Variants in DNAAF1 observed in about 807,000 individuals in gnomAD.
The protein encoded by DNAAF1 is dynein assembly factor 1, axonemal.
DNAAF1 carries 65 observed loss-of-function variants against 71.1 expected under a neutral mutation model. That is an observed-to-expected ratio of 0.91 (90% CI 0.75 to 1.12). DNAAF1 has a LOEUF of 1.12. Among genes scored for constraint, DNAAF1 ranks in the 50% most tolerant of loss-of-function variants. The probability of loss-of-function intolerance (pLI) is 0.00; values close to 1 mark genes in which losing one functional copy is unlikely to be tolerated. For missense variants in DNAAF1, 1,178 were observed against 899.8 expected (o/e 1.31, Z -3.96); for synonymous variants, 414 against 354.6 (o/e 1.17, Z -1.88).
At chr16:84,149,877 T>A (rs1479899243) in intron 2 of DNAAF1, among the ~76,000 whole-genome samples, 1 of 150,664 alleles carries the variant, frequency 6.6e-6, no homozygotes. Context: ...ATACAAAAAT[T>A]AGCCAGGTGT....
intron 6 of DNAAF1, among the ~76,000 whole-genome samples, chr16:84,163,891 G>C (rs557767030): frequency 8.0e-4 from 116 of 144,168 alleles, no homozygotes; most frequent in African/African-American, 2.9e-3. Flanking sequence ...ACAGCGTTTT[G>C]CTCTGTCACC....
rs1330815526 is a variant in DNAAF1 at position 84,151,396 on chromosome 16, C to G, written c.352+1054C>G. Among the ~76,000 whole-genome samples, 4 of 152,122 alleles carry G rather than the reference C, an allele frequency of 2.6e-5. No homozygotes were observed. The South Asian group carries it at 8.3e-4, about 32-fold the overall frequency. ...AGGGGTTGGAACGACTCCTATGGGTCTCCTCACCTCCACTTTTGCCCACTC... is the reference window on the plus strand; with the variant it reads ...AGGGGTTGGAACGACTCCTATGGGTGTCCTCACCTCCACTTTTGCCCACTC... On this transcript the variant is annotated intron_variant, in intron 3 of 11. Coordinates refer to ENST00000378553, the MANE Select transcript of DNAAF1 (RefSeq NM_178452.6).
At chr16:84,159,139 T>C (rs2087581375) in intron 5 of DNAAF1, 6 of 995,096 alleles carry the variant, frequency 6.0e-6, no homozygotes, top group Non-Finnish European at 7.2e-6. Context: ...TCCTCCTCCC[T>C]GGTCCTAAGT....
At chr16:84,150,185 C>T in intron 2 of DNAAF1, 66 bp from the exon 3 acceptor site, 1 of 1,226,836 alleles carries the variant, frequency 8.2e-7, no homozygotes, top group Admixed American at 1.7e-5. Flanking sequence ...TGGTAAAGAA[C>T]TGTGAGAATA....
chr16:84,175,678 G>C, intron 10 of DNAAF1: 1 of 526,712 alleles, frequency 1.9e-6, no homozygotes, highest in Non-Finnish European at 3.4e-6. Context: ...GCCCTCTCAG[G>C]TACCAGGAGG....
At chr16:84,160,765 G>A (rs933933367) in intron 6 of DNAAF1, among the ~76,000 whole-genome samples, 2 of 151,270 alleles carry the variant, frequency 1.3e-5, no homozygotes, top group African/African-American at 4.9e-5. Flanking sequence ...AAACCGCGTC[G>A]CTACTAAAAG....
chr16:84,159,266 G>T, intron 5 of DNAAF1: 1 of 1,100,762 alleles, frequency 9.1e-7, no homozygotes, highest in Non-Finnish European at 1.1e-6. Flanking sequence ...TCTGTCTAGC[G>T]GCTGTGTGCG....
chr16:84,164,024 G>C (rs1226280506), intron 6 of DNAAF1, among the ~76,000 whole-genome samples: 1 of 152,000 alleles, frequency 6.6e-6, no homozygotes, highest in Non-Finnish European at 1.5e-5. Context: ...AGGCTGGTCT[G>C]GAACTCCTGG....
intron 10 of DNAAF1, 89 bp downstream of exon 10, chr16:84,174,811 TA>T: frequency 1.3e-6 from 2 of 1,527,602 alleles, no homozygotes; most frequent in Non-Finnish European, 1.8e-6. Flanking sequence ...AACTTGAAAG[TA>T]AAATGTTCCC....
chr16:84,174,752 A>G, intron 10 of DNAAF1, 30 bp downstream of exon 10: 2 of 1,614,132 alleles, frequency 1.2e-6, no homozygotes, highest in Non-Finnish European at 1.7e-6. Flanking sequence ...ATTTTCCCAC[A>G]GGCAGCTTAA....
Position 84,170,314 on chromosome 16 carries a change from G to C in DNAAF1, c.1486G>C (p.Ala496Pro), listed in dbSNP as rs1468832778. The stretch of plus-strand genomic sequence containing the variant: ...TCGAGAGCCAGAGGGGACCCTCCCA[G>C]CTGAGGCCCCACCACCACCGCCCCT... ...GDREPEGTLP[A>P]EAPPPPPLGA... Residue 496 changes from alanine (A) to proline (P), a missense_variant, in exon 8 of 12, where the codon GCT becomes CCT. Physicochemically the swap from Ala to Pro is conservative, Grantham distance 27. Transcript: ENST00000378553. 1.9e-6 allele frequency: 3 copies of C among 1,611,796 alleles called. No individual in the cohort carries two copies. The South Asian group carries it at 3.3e-5, about 18-fold the overall frequency.
At chr16:84,158,153 C>T (rs1025196256) in intron 5 of DNAAF1, among the ~76,000 whole-genome samples, 2 of 152,068 alleles carry the variant, frequency 1.3e-5, no homozygotes, top group Non-Finnish European at 2.9e-5. Context: ...TGCAGCGACC[C>T]GAGATCGCGC....
In DNAAF1 at chr16:84,175,189, A is replaced by G. The variant is rs2088587607; in HGVS notation, c.1698+467A>G. ...CCATATTTTCACCTTGCTGAAGGAAATGCCATTTGTTCTTGTTCAATTTCT... is the reference window on the plus strand; with the variant it reads ...CCATATTTTCACCTTGCTGAAGGAAGTGCCATTTGTTCTTGTTCAATTTCT... On this transcript the variant is annotated intron_variant, in intron 10 of 11. Coordinates refer to ENST00000378553, the MANE Select transcript of DNAAF1 (RefSeq NM_178452.6). 2.7e-5 allele frequency: 6 copies of G among 226,060 alleles called. No individual in the cohort carries two copies. In the South Asian group the frequency reaches 4.0e-4, roughly 15 times the overall value. The allele number at this position is 226,060 out of a possible 1,614,324, so 14.0% of individuals were successfully genotyped here.
intron 1 of DNAAF1, among the ~76,000 whole-genome samples, chr16:84,147,141 T>C (rs1218782362): frequency 6.6e-6 from 1 of 152,248 alleles, no homozygotes; most frequent in African/African-American, 2.4e-5. Flanking sequence ...GAGAGAATTA[T>C]AATTAAATGT....
intron 8 of DNAAF1, among the ~76,000 whole-genome samples, chr16:84,171,382 G>A (rs761147373): frequency 1.4e-4 from 21 of 152,190 alleles, no homozygotes; most frequent in Non-Finnish European, 2.6e-4. Flanking sequence ...GGGATGGGAG[G>A]TCGAGGCTGC....
rs12920129 is a variant in DNAAF1, at chr16:84,175,748, T to A, written c.1699-185T>A. On this transcript the variant is annotated intron_variant, in intron 10 of 11. Coordinates refer to ENST00000378553, the MANE Select transcript of DNAAF1 (RefSeq NM_178452.6). The stretch of plus-strand genomic sequence containing the variant: ...CAGAGAGAAGGGCATAGACATGAGC[T>A]GTGCCCAGGGAGTGGCCACCCCCAG... The A allele has an allele frequency of 0.32, 213,757 of 673,088 alleles. 36,470 individuals carry two copies. Among genetic ancestry groups the A allele is most frequent in the Admixed American group, 0.43 (18,030 of 42,052 alleles). 41.7% of individuals were successfully genotyped at this position (673,088 alleles called of 1,614,324 possible). A position where few individuals can be genotyped will look rare whatever the true frequency, so the allele number is the denominator to read the frequency against.
Position 84,170,135 on chromosome 16 carries a change from G to A in DNAAF1, c.1307G>A (p.Gly436Glu), listed in dbSNP as rs2088249188. The A allele has an allele frequency of 5.1e-6, 8 of 1,581,428 alleles. No individual in the cohort carries two copies. Among genetic ancestry groups the A allele is most frequent in the African/African-American group, 1.4e-5 (1 of 73,738 alleles). The change falls in exon 8 of 12, where the codon GGA becomes GAA. Residue 436 changes from glycine (G) to glutamate (E), a missense_variant. Coordinates refer to ENST00000378553, the MANE Select transcript of DNAAF1 (RefSeq NM_178452.6). ...PVEVKGEDGD[G>E]EPEGTLPAEA... ...GAGGTTAAAGGAGAGGACGGAGATG[G>A]AGAGCCAGAGGGGACCCTCCCAGCT...
At chr16:84,172,036 C>A (rs1402835001) in intron 8 of DNAAF1, among the ~76,000 whole-genome samples, 1 of 152,142 alleles carries the variant, frequency 6.6e-6, no homozygotes, top group Non-Finnish European at 1.5e-5. Flanking sequence ...CGCCACCACA[C>A]CTGGCTAATT....
At chr16:84,148,596 C>CTTTTTTTTTTTTATTTTTTT (rs2087032586) in intron 1 of DNAAF1, among the ~76,000 whole-genome samples, 1 of 43,576 alleles carries the variant, frequency 2.3e-5, no homozygotes, top group East Asian at 1.0e-3. Flanking sequence ...CTCTCTCTCT[C>CTTTTTTTTTTTTATTTTTTT]TTTTTTTTTT....
Sources: gnomAD v4.1 joint callset for allele counts (sites outside exome capture counted in the v4.1 genomes callset) on GRCh38, gnomAD v4.1.1 for gene constraint, MANE v1.5 for transcripts, NCBI Gene and HGNC (gene_info 2026-07-23, HGNC 2026-07-21) for gene names.